The following USP7 variants were observed in gnomAD, a reference collection of about 807,000 sequenced individuals.
The protein encoded by USP7 is ubiquitin specific peptidase 7.
In USP7, 9 loss-of-function variants were observed where a neutral mutation model predicts 162.9. That is an observed-to-expected ratio of 0.06 (90% CI 0.03 to 0.10). The LOEUF is 0.10. Ranked by LOEUF, USP7 falls within the 10% of genes least tolerant of loss-of-function variation. The pLI is 1.00. For synonymous variants in USP7, 562 were observed against 475.9 expected, an observed-to-expected ratio of 1.18 and a Z score of -2.35; for missense variants, 715 against 1,373.7, an observed-to-expected ratio of 0.52 and a Z score of 7.58.
At position 8,893,096 on chromosome 16, in the gene USP7, A is replaced by G. The variant is rs1162597905; in HGVS notation, c.*902T>C. On this transcript the variant is annotated 3_prime_UTR_variant, in exon 31 of 31. Transcript: ENST00000344836. ...AGTGGCAAATTGTACATGTTCATTC[A>G]TTAAATATACAATTCATTTTTCCTT... is the stretch of plus-strand genomic sequence containing the variant. The G allele has an allele frequency of 6.6e-6, 1 of 152,250 alleles. No homozygotes were observed. Among genetic ancestry groups the G allele is most frequent in the Non-Finnish European group, 1.5e-5 (1 of 68,046 alleles). 9.4% of individuals were successfully genotyped at this position (152,250 alleles called of 1,614,324 possible). A position where few individuals can be genotyped will look rare whatever the true frequency, so the allele number is the denominator to read the frequency against.
rs1480900512 is a variant in USP7 at position 8,903,353 on chromosome 16, T to C, written c.1754A>G (p.Asp585Gly). The change falls in exon 16 of 31, where the codon GAT becomes GGT. Residue 585 changes from aspartate to glycine, a missense_variant. This residue lies in a region of USP7 where 197 missense variants were observed against 306.5 expected (regional missense o/e 0.64). Transcript: ENST00000344836. Reference protein sequence around the residue: ...FCGHQGNDMYDEEKVKYTVFK... With the variant: ...FCGHQGNDMYGEEKVKYTVFK... Reference sequence around the variant, plus strand: ...CACAGTGTATTTCACTTTTTCTTCATCGTACATGTCATTCCCTTGGTGGCC... The same window carrying C: ...CACAGTGTATTTCACTTTTTCTTCACCGTACATGTCATTCCCTTGGTGGCC... 1 of 1,614,208 alleles carries C rather than the reference T, an allele frequency of 6.2e-7. No homozygotes were observed. Among genetic ancestry groups the C allele is most frequent in the East Asian group, 2.2e-5 (1 of 44,882 alleles).
chr16:8,909,404 G>T (rs1245622588), intron 11 of USP7, among the ~76,000 whole-genome samples: 1 of 152,164 alleles, frequency 6.6e-6, no homozygotes, highest in Non-Finnish European at 1.5e-5. Context: ...TAAGAGGACA[G>T]AGCTATCTCA....
intron 18 of USP7, among the ~76,000 whole-genome samples, 162 bp from the exon 19 acceptor site, chr16:8,901,396 G>A (rs1325614771): frequency 6.6e-6 from 1 of 151,870 alleles, no homozygotes; most frequent in Non-Finnish European, 1.5e-5. Flanking sequence ...AGTTACTTCA[G>A]ATGTGGCTTA....
In USP7 at chr16:8,892,170, C is replaced by T. The variant is rs541511878; in HGVS notation, c.*1828G>A. The T allele has an allele frequency of 6.6e-6, 1 of 152,246 alleles. No individual in the cohort carries two copies. The highest frequency in any genetic ancestry group is 2.4e-5 in the African/African-American group (1 of 41,432). The allele number at this position is 152,246 out of a possible 1,614,324, so 9.4% of individuals were successfully genotyped here. Reference sequence around the variant, plus strand: ...GTTACCTAAGACTACAGCCAACCCCCAGCCCAGAACAAAAACAAGACACCT... The same window carrying T: ...GTTACCTAAGACTACAGCCAACCCCTAGCCCAGAACAAAAACAAGACACCT... On this transcript the variant is annotated 3_prime_UTR_variant, in exon 31 of 31. Coordinates refer to ENST00000344836, the MANE Select transcript of USP7 (RefSeq NM_003470.3).
intron 10 of USP7, among the ~76,000 whole-genome samples, chr16:8,914,729 GCAA>G (rs2062002068): frequency 1.3e-5 from 2 of 151,826 alleles, no homozygotes; most frequent in Admixed American, 1.3e-4. Flanking sequence ...ACCAGCCTGA[GCAA>G]CAAAGTAAGA....
chr16:8,934,044 C>T (rs1022226944), intron 1 of USP7, among the ~76,000 whole-genome samples: 1 of 152,202 alleles, frequency 6.6e-6, no homozygotes, highest in Non-Finnish European at 1.5e-5. Context: ...AGGCGTGAAA[C>T]ACCACGCCTG....
intron 6 of USP7, among the ~76,000 whole-genome samples, chr16:8,917,513 G>C (rs1897439942): frequency 6.6e-6 from 1 of 152,070 alleles, no homozygotes; most frequent in African/African-American, 2.4e-5. Context: ...CGAGTAGCTG[G>C]AATTACAGGC....
At chr16:8,944,004 G>A (rs1314333383) in intron 1 of USP7, among the ~76,000 whole-genome samples, 1 of 152,096 alleles carries the variant, frequency 6.6e-6, no homozygotes, top group African/African-American at 2.4e-5. Flanking sequence ...GTATACAGGA[G>A]TTCAAGACCA....
At chr16:8,902,843 G>A (rs749543080) in intron 16 of USP7, among the ~76,000 whole-genome samples, 16 of 151,984 alleles carry the variant, frequency 1.1e-4, no homozygotes, top group Non-Finnish European at 1.9e-4. Context: ...AGCCAAGATC[G>A]CGCCACTGGG....
chr16:8,928,526 C>T (rs1898139653), intron 2 of USP7, among the ~76,000 whole-genome samples: 1 of 152,244 alleles, frequency 6.6e-6, no homozygotes, highest in Non-Finnish European at 1.5e-5. Context: ...CACTTATCCC[C>T]TGAAGAAGAG....
At chr16:8,933,663 G>C (rs1898509594) in intron 1 of USP7, among the ~76,000 whole-genome samples, 1 of 151,906 alleles carries the variant, frequency 6.6e-6, no homozygotes. Flanking sequence ...ATGTTGCCCA[G>C]GTTGGTCTTG....
chr16:8,919,258 A>G (rs995855680), intron 5 of USP7, 119 bp from the exon 6 acceptor site: 2 of 915,324 alleles, frequency 2.2e-6, no homozygotes, highest in Non-Finnish European at 3.5e-6. Flanking sequence ...AACACTTATC[A>G]CACAGCATCC....
At chr16:8,951,939 G>A (rs1899573051) in intron 1 of USP7, among the ~76,000 whole-genome samples, 1 of 152,210 alleles carries the variant, frequency 6.6e-6, no homozygotes, top group South Asian at 2.1e-4. Context: ...CAGGCAGTGG[G>A]CTACTTTCTA....
intron 10 of USP7, among the ~76,000 whole-genome samples, chr16:8,911,911 C>T (rs758731615): frequency 2.0e-5 from 3 of 152,124 alleles, no homozygotes; most frequent in Admixed American, 1.3e-4. Flanking sequence ...GTCTGTGTTC[C>T]CACCAGCCAC....
intron 1 of USP7, among the ~76,000 whole-genome samples, chr16:8,960,172 G>C (rs1442432566): frequency 3.9e-5 from 6 of 152,124 alleles, no homozygotes; most frequent in Non-Finnish European, 8.8e-5. Context: ...CTTATTCCCA[G>C]CCAGACCTAA....
chr16:8,957,784 T>G (rs547225750), intron 1 of USP7, among the ~76,000 whole-genome samples: 9 of 151,032 alleles, frequency 6.0e-5, no homozygotes, highest in African/African-American at 1.9e-4. Flanking sequence ...CAAAAAAAAA[T>G]TAAAAACACA....
At chr16:8,909,385 C>G (rs1165301053) in intron 11 of USP7, among the ~76,000 whole-genome samples, 1 of 152,154 alleles carries the variant, frequency 6.6e-6, no homozygotes, top group Non-Finnish European at 1.5e-5. Flanking sequence ...TGGTGTACAT[C>G]AGCTCATTTA....
intron 26 of USP7, among the ~76,000 whole-genome samples, 182 bp downstream of exon 26, chr16:8,896,817 G>C (rs776205097): frequency 6.6e-6 from 1 of 152,160 alleles, no homozygotes; most frequent in Non-Finnish European, 1.5e-5. Flanking sequence ...AAAAACTGGA[G>C]CAACACTGGG....
intron 1 of USP7, among the ~76,000 whole-genome samples, chr16:8,950,694 T>C (rs924611573): frequency 6.6e-6 from 1 of 152,230 alleles, no homozygotes; most frequent in African/African-American, 2.4e-5. Context: ...TGTATGTGCC[T>C]GGCTGCCCTG....
Sources: gnomAD v4.1 joint callset for allele counts (sites outside exome capture counted in the v4.1 genomes callset) on GRCh38, gnomAD v4.1.1 for gene constraint, gnomAD v4.1.1 regional missense constraint, MANE v1.5 for transcripts, NCBI Gene and HGNC (gene_info 2026-07-23, HGNC 2026-07-21) for gene names.